CNTN3: variants seen among roughly 807,000 people sequenced by gnomAD.
CNTN3 encodes the protein contactin-3.
CNTN3 carries 60 observed loss-of-function variants against 119.1 expected under a neutral mutation model. The observed-to-expected ratio is 0.50, with a 90% confidence interval of 0.41 to 0.62. The LOEUF (loss-of-function observed/expected upper bound fraction) is 0.62, where lower values mean the gene tolerates loss of function less well. Among genes scored for constraint, CNTN3 ranks in the 20% least tolerant of loss-of-function variants. The probability of loss-of-function intolerance (pLI) is 0.00; values close to 1 mark genes in which losing one functional copy is unlikely to be tolerated. For missense variants in CNTN3, 1,101 were observed against 1,242.4 expected, an observed-to-expected ratio of 0.89 and a Z score of 1.71; for synonymous variants, 450 against 438.7, an observed-to-expected ratio of 1.03 and a Z score of -0.32.
At chr3:74,398,936 T>C (rs764977255) in intron 5 of CNTN3, among the ~76,000 whole-genome samples, 2 of 152,208 alleles carry the variant, frequency 1.3e-5, no homozygotes, top group Non-Finnish European at 2.9e-5. Context: ...TGCAGTGATA[T>C]TGCAATACAT....
At chr3:74,492,907 T>C (rs1037409407) in intron 3 of CNTN3, among the ~76,000 whole-genome samples, 2 of 152,104 alleles carry the variant, frequency 1.3e-5, no homozygotes, top group Non-Finnish European at 2.9e-5. Context: ...TCAATCACTG[T>C]TGAATTTCTA....
rs557939960 is a variant in CNTN3 at position 74,536,227 on chromosome 3, G to A, written c.-80-15035C>T. 3.3e-5 allele frequency among the ~76,000 whole-genome samples: 5 copies of A among 152,150 alleles called. No individual in the cohort carries two copies. In the South Asian group the frequency reaches 8.3e-4, roughly 25 times the overall value. ...CAAATGTTCAGAGGGTCCCAAAAAC[G>A]GTGCCAGATTGGAGATCTCCTTAGC... On this transcript the variant is annotated intron_variant, in intron 1 of 22. Transcript: ENST00000263665.
At chr3:74,447,176 C>A (rs1702064051) in intron 4 of CNTN3, among the ~76,000 whole-genome samples, 1 of 152,094 alleles carries the variant, frequency 6.6e-6, no homozygotes, top group Admixed American at 6.6e-5. Flanking sequence ...CATACTTAGG[C>A]TTGAACAGTA....
At chr3:74,479,940 G>C (rs1173554706) in intron 4 of CNTN3, among the ~76,000 whole-genome samples, 3 of 151,904 alleles carry the variant, frequency 2.0e-5, no homozygotes, top group African/African-American at 2.4e-5. Context: ...AAATCAATAA[G>C]TAAAATAATG....
At position 74,422,240 on chromosome 3, in the gene CNTN3, A is replaced by G. The variant is rs150955896; in HGVS notation, c.454+2605T>C. On this transcript the variant is annotated intron_variant, in intron 5 of 22. Transcript: ENST00000263665. ...AGACACTTGGATCAACGAGCATCAC[A>G]CTTTTTAGCATCTAAATCTGTACAA... is the stretch of plus-strand genomic sequence containing the variant. Among the ~76,000 whole-genome samples the G allele has an allele frequency of 3.2e-3, 488 of 152,280 alleles. 1 individual carries two copies. The highest frequency in any genetic ancestry group is 0.011 in the African/African-American group (437 of 41,562).
intron 1 of CNTN3, among the ~76,000 whole-genome samples, chr3:74,581,499 C>T (rs915750127): frequency 2.0e-5 from 3 of 152,146 alleles, no homozygotes; most frequent in Admixed American, 1.3e-4. Flanking sequence ...AAGAGAGATG[C>T]TATGTTCATT....
chr3:74,474,246 G>A (rs76203793), intron 4 of CNTN3, among the ~76,000 whole-genome samples: 1,930 of 152,246 alleles, frequency 0.013, 36 homozygotes, highest in African/African-American at 0.043. Context: ...GAGAGAGACA[G>A]AGCTGAAACA....
At chr3:74,482,980 T>A (rs141411836) in intron 4 of CNTN3, among the ~76,000 whole-genome samples, 16 of 152,272 alleles carry the variant, frequency 1.1e-4, no homozygotes, top group Admixed American at 3.9e-4. Flanking sequence ...TTATCAGAAA[T>A]CTATGTCCCA....
intron 4 of CNTN3, among the ~76,000 whole-genome samples, chr3:74,446,623 G>C (rs1032198576): frequency 2.0e-5 from 3 of 149,656 alleles, no homozygotes; most frequent in African/African-American, 4.9e-5. Context: ...TTTTTATATT[G>C]ATTATATGTT....
chr3:74,379,728 A>C (rs955251704), intron 5 of CNTN3, among the ~76,000 whole-genome samples: 1 of 152,168 alleles, frequency 6.6e-6, no homozygotes, highest in African/African-American at 2.4e-5. Flanking sequence ...CTCAAGATGA[A>C]GAAGTGTAAT....
chr3:74,562,382 C>A (rs1704165765), intron 1 of CNTN3, among the ~76,000 whole-genome samples: 1 of 152,064 alleles, frequency 6.6e-6, no homozygotes, highest in South Asian at 2.1e-4. Flanking sequence ...TTAAATATTT[C>A]TTTCAATGTT....
At chr3:74,302,887 A>G (rs1164213592) in intron 13 of CNTN3, 80 bp from the exon 14 acceptor site, 1 of 834,236 alleles carries the variant, frequency 1.2e-6, no homozygotes, top group East Asian at 2.5e-5. Flanking sequence ...GCCAAAAACA[A>G]CAACATTGCA....
At chr3:74,419,505 ACCATAATG>A (rs758857000) in intron 5 of CNTN3, among the ~76,000 whole-genome samples, 8 of 152,192 alleles carry the variant, frequency 5.3e-5, no homozygotes, top group Non-Finnish European at 8.8e-5. Context: ...GGCAATTTTT[ACCATAATG>A]TCACTTCAGC....
rs562786452 is a variant in CNTN3, at chr3:74,337,607, CA to C, written c.1365-950del. Among the ~76,000 whole-genome samples the C allele has an allele frequency of 2.3e-3, 347 of 152,062 alleles. 1 individual carries two copies. The highest frequency in any genetic ancestry group is 2.8e-3 in the Non-Finnish European group (190 of 67,964). ...GTGAAAGGGGTTCCCCTTATAAAAC[CA>C]TCAATTCTCATGAGACTTATTCACT... On this transcript the variant is annotated intron_variant, in intron 11 of 22. Transcript: ENST00000263665.
At chr3:74,514,823 A>T (rs1281096712) in intron 2 of CNTN3, among the ~76,000 whole-genome samples, 5 of 152,136 alleles carry the variant, frequency 3.3e-5, no homozygotes, top group Admixed American at 6.6e-5. Flanking sequence ...CAAAATGCAG[A>T]GAAGTGAAAA....
At chr3:74,521,805 T>A (rs932313467) in intron 1 of CNTN3, among the ~76,000 whole-genome samples, 2 of 151,808 alleles carry the variant, frequency 1.3e-5, no homozygotes, top group African/African-American at 4.8e-5. Context: ...AACTTGAATA[T>A]GTTGGTTGAG....
chr3:74,279,854 C>G (rs1701964479), intron 20 of CNTN3, among the ~76,000 whole-genome samples: 1 of 151,598 alleles, frequency 6.6e-6, no homozygotes, highest in African/African-American at 2.4e-5. Context: ...AGGATGATTA[C>G]TAGGGGCTGG....
intron 1 of CNTN3, among the ~76,000 whole-genome samples, chr3:74,530,247 C>T (rs531531342): frequency 5.1e-4 from 78 of 151,998 alleles, no homozygotes; most frequent in South Asian, 3.7e-3. Context: ...GATGCTCATG[C>T]GAAGTTTCCT....
At chr3:74,604,635 G>C (rs1704963237) in intron 1 of CNTN3, among the ~76,000 whole-genome samples, 1 of 152,034 alleles carries the variant, frequency 6.6e-6, no homozygotes, top group African/African-American at 2.4e-5. Context: ...CATTAGAACA[G>C]GTATTATCAA....
Sources: allele counts gnomAD v4.1 joint callset (sites outside exome capture counted in the v4.1 genomes callset), GRCh38; gene constraint gnomAD v4.1.1; transcripts MANE v1.5; gene names NCBI Gene and HGNC (gene_info 2026-07-23, HGNC 2026-07-21).